Variants in TTC34 observed in about 807,000 individuals in gnomAD.
TTC34 encodes tetratricopeptide repeat domain 34.
In TTC34, 44 loss-of-function variants were observed where a neutral mutation model predicts 40.7. That is an observed-to-expected ratio of 1.08 (90% CI 0.85 to 1.39). The LOEUF is 1.39. Ranked by LOEUF, TTC34 falls within the 40% of genes most tolerant of loss-of-function variation. The probability of loss-of-function intolerance (pLI) is 0.00; values close to 1 mark genes in which losing one functional copy is unlikely to be tolerated. For missense variants in TTC34, 884 were observed against 838.0 expected (o/e 1.05, Z -0.68); for synonymous variants, 422 against 398.6 (o/e 1.06, Z -0.70).
chr1:2,638,871 T>C (rs963946799), exon 9 of TTC34: 1 of 152,326 alleles, frequency 6.6e-6, no homozygotes, highest in Non-Finnish European at 1.5e-5. Context: ...TTTGTCTATC[T>C]GGACTGCCCC....
intron 6 of TTC34, among the ~76,000 whole-genome samples, chr1:2,690,069 G>A (rs1291734910): frequency 0.028 from 1,664 of 60,082 alleles, no homozygotes; most frequent in Non-Finnish European, 0.041. Flanking sequence ...CGCCAGGCGA[G>A]CATCTGACGG....
intron 2 of TTC34, among the ~76,000 whole-genome samples, chr1:2,797,588 T>G (rs1178571417): frequency 2.0e-5 from 3 of 152,168 alleles, no homozygotes; most frequent in Admixed American, 2.0e-4. Flanking sequence ...TTCTAAGGGT[T>G]TGCTGTGCAT....
chr1:2,688,098 G>A (rs1315347234), intron 6 of TTC34, among the ~76,000 whole-genome samples: 27 of 151,994 alleles, frequency 1.8e-4, no homozygotes, highest in African/African-American at 5.8e-4. Context: ...CCCCAGGTGC[G>A]CACGTGACAG....
chr1:2,683,311 C>T (rs375362444), intron 6 of TTC34, among the ~76,000 whole-genome samples: 7,905 of 111,242 alleles, frequency 0.071, 1 homozygote, highest in Middle Eastern at 0.12. Flanking sequence ...GAATCCACAC[C>T]CCCAGGTGAG....
intron 6 of TTC34, among the ~76,000 whole-genome samples, chr1:2,750,827 G>A (rs1438551177): frequency 1.1e-5 from 1 of 87,472 alleles, no homozygotes; most frequent in Non-Finnish European, 2.2e-5. Flanking sequence ...GCATCTGACA[G>A]CCTGGAGCAG....
chr1:2,650,233 A>G (rs1274637544), intron 6 of TTC34, among the ~76,000 whole-genome samples: 1 of 150,360 alleles, frequency 6.7e-6, no homozygotes, highest in Non-Finnish European at 1.5e-5. Context: ...TGAGCATCTG[A>G]CAGCCTGGAA....
At chr1:2,699,568 C>T (rs1240281925) in intron 6 of TTC34, among the ~76,000 whole-genome samples, 3 of 146,072 alleles carry the variant, frequency 2.1e-5, no homozygotes, top group Admixed American at 7.1e-5. Context: ...GGAGCAGCAC[C>T]CACACCCCCA....
At chr1:2,760,677 A>G (rs1455175446) in intron 6 of TTC34, among the ~76,000 whole-genome samples, 4 of 13,162 alleles carry the variant, frequency 3.0e-4, no homozygotes, top group Non-Finnish European at 3.2e-4. Flanking sequence ...CTGGAGCAGC[A>G]CCCACACCCC....
intron 6 of TTC34, among the ~76,000 whole-genome samples, chr1:2,753,274 A>T (rs1158167239): frequency 9.4e-5 from 9 of 96,216 alleles, no homozygotes; most frequent in African/African-American, 2.2e-4. Flanking sequence ...AGCATCTGAC[A>T]GCCTGGAACA....
intron 6 of TTC34, chr1:2,775,001 C>G (rs1642959176): frequency 8.0e-6 from 1 of 124,930 alleles, no homozygotes; most frequent in African/African-American, 3.1e-5. Context: ...AGGTGAGCAT[C>G]TGACAGCCTG....
intron 6 of TTC34, among the ~76,000 whole-genome samples, chr1:2,652,525 C>CCCCAGG (rs1639182042): frequency 2.4e-4 from 1 of 4,158 alleles, no homozygotes; most frequent in African/African-American, 6.6e-4. Context: ...GCACCCACAC[C>CCCCAGG]TCCAGGCGAG....
intron 2 of TTC34, among the ~76,000 whole-genome samples, chr1:2,793,553 A>C (rs1643684201): frequency 6.6e-6 from 1 of 152,230 alleles, no homozygotes; most frequent in South Asian, 2.1e-4. Flanking sequence ...CCACCTGTAC[A>C]TAGAAATCTT....
intron 6 of TTC34, among the ~76,000 whole-genome samples, 160 bp downstream of exon 6, chr1:2,783,449 T>A (rs1017031504): frequency 6.6e-6 from 1 of 152,196 alleles, no homozygotes; most frequent in Non-Finnish European, 1.5e-5. Context: ...CCGGCTCCCA[T>A]GAGCCGCTGT....
chr1:2,785,680 C>T (rs1557689743), intron 5 of TTC34, 139 bp downstream of exon 5: 6 of 966,456 alleles, frequency 6.2e-6, no homozygotes, highest in Non-Finnish European at 8.8e-6. Flanking sequence ...GGCCCTTGCC[C>T]TGTCCAACCC....
chr1:2,696,348 G>A (rs552078765), intron 6 of TTC34, among the ~76,000 whole-genome samples: 7 of 140,004 alleles, frequency 5.0e-5, no homozygotes, highest in Admixed American at 1.5e-4. Context: ...GCCTGGAACA[G>A]CACCCACACC....
At chr1:2,756,614 A>G (rs1406538195) in intron 6 of TTC34, among the ~76,000 whole-genome samples, 68 of 137,390 alleles carry the variant, frequency 4.9e-4, no homozygotes, top group African/African-American at 1.0e-3. Flanking sequence ...ACAGCCTGGA[A>G]CAGCACCCAC....
intron 6 of TTC34, among the ~76,000 whole-genome samples, chr1:2,693,738 C>A (rs1259505248): frequency 1.4e-5 from 1 of 72,174 alleles, no homozygotes; most frequent in Non-Finnish European, 3.3e-5. Context: ...CAAGGAGCAG[C>A]ACCCACACCT....
intron 6 of TTC34, among the ~76,000 whole-genome samples, chr1:2,687,509 T>G (rs1640419268): frequency 6.8e-6 from 1 of 146,148 alleles, no homozygotes; most frequent in African/African-American, 2.7e-5. Flanking sequence ...TCTGACATCC[T>G]TGAGCAGCAC....
chr1:2,764,256 G>A (rs1210731783), intron 6 of TTC34, among the ~76,000 whole-genome samples: 4 of 84,980 alleles, frequency 4.7e-5, no homozygotes, highest in Admixed American at 1.1e-4. Context: ...GGAGCAGCAC[G>A]CACACCCCCA....
Sources: gnomAD v4.1 joint callset for allele counts (sites outside exome capture counted in the v4.1 genomes callset) on GRCh38, gnomAD v4.1.1 for gene constraint, MANE v1.5 for transcripts, NCBI Gene and HGNC (gene_info 2026-07-23, HGNC 2026-07-21) for gene names.